The following DGKB variants were observed in gnomAD, a reference collection of about 807,000 sequenced individuals.
The protein encoded by DGKB is 90 kDa diacylglycerol kinase.
Under a neutral mutation model 114.3 loss-of-function variants are expected in DGKB, and 67 were observed. That is an observed-to-expected ratio of 0.59 (90% CI 0.48 to 0.72). DGKB has a LOEUF of 0.72. Among genes scored for constraint, DGKB ranks in the 30% least tolerant of loss-of-function variants. The pLI, the probability that DGKB is intolerant of heterozygous loss-of-function variation, is 0.00. For synonymous variants in DGKB, 398 were observed against 323.1 expected (o/e 1.23, Z -2.49); for missense variants, 907 against 975.2 (o/e 0.93, Z 0.93).
intron 23 of DGKB, among the ~76,000 whole-genome samples, chr7:14,252,510 G>A (rs1343642963): frequency 1.3e-5 from 2 of 152,146 alleles, no homozygotes; most frequent in Non-Finnish European, 1.5e-5. Context: ...TCTGGATGAG[G>A]TTCAGGGGCA....
At chr7:14,972,187 T>C (rs1261375758) in intron 1 of DGKB, among the ~76,000 whole-genome samples, 1 of 152,156 alleles carries the variant, frequency 6.6e-6, no homozygotes, top group African/African-American at 2.4e-5. Context: ...TCACCATGTA[T>C]TGCAAATAAA....
rs1798811669 is a variant in DGKB, at chr7:14,574,355, G to C, written c.1627C>G (p.Leu543Val). Reference sequence around the variant, plus strand: ...TCAATGTCTTTTAGAATTTTCATCAGATTCTCACCTTCGTAACCTAGTGGG... The same window carrying C: ...TCAATGTCTTTTAGAATTTTCATCACATTCTCACCTTCGTAACCTAGTGGG... ...RWGGGYEGEN[L>V]MKILKDIENS... The change falls in exon 20 of 26, where the codon CTG becomes GTG. Residue 543 changes from leucine to valine, a missense_variant. By Grantham distance (32) the Leu-to-Val change is conservative. This residue lies in a region of DGKB where 814 missense variants were observed against 856.6 expected (regional missense o/e 0.95). Coordinates refer to ENST00000402815, the MANE Select transcript of DGKB (RefSeq NM_001350709.2). 6.2e-7 allele frequency: 1 copy of C among 1,610,734 alleles called. No individual in the cohort carries two copies. The highest frequency in any genetic ancestry group is 8.5e-7 in the Non-Finnish European group (1 of 1,178,858).
At chr7:14,244,037 C>CAGAGAG (rs879539602) in intron 23 of DGKB, among the ~76,000 whole-genome samples, 2 of 141,608 alleles carry the variant, frequency 1.4e-5, no homozygotes, top group East Asian at 4.4e-4. Flanking sequence ...GAGAGAGAGA[C>CAGAGAG]AGAGAGAGAG....
intron 19 of DGKB, among the ~76,000 whole-genome samples, chr7:14,577,986 T>C (rs2128718240): frequency 6.6e-6 from 1 of 152,248 alleles, no homozygotes. Context: ...CACTCAAATC[T>C]CATTTTTAGT....
chr7:14,818,960 T>C (rs183001731), intron 2 of DGKB, among the ~76,000 whole-genome samples: 3 of 152,288 alleles, frequency 2.0e-5, no homozygotes, highest in South Asian at 2.1e-4. Flanking sequence ...AGAATGAATA[T>C]GATAGCAAAT....
At chr7:14,905,271 T>C (rs1783635880), upstream of DGKB, among the ~76,000 whole-genome samples, 1 of 147,810 alleles carries the variant, frequency 6.8e-6, no homozygotes, top group Admixed American at 6.9e-5. Context: ...TTTAACAGCT[T>C]ATAGCATTAC....
intron 20 of DGKB, among the ~76,000 whole-genome samples, chr7:14,572,471 A>G (rs1798546542): frequency 6.6e-6 from 1 of 151,872 alleles, no homozygotes; most frequent in Non-Finnish European, 1.5e-5. Flanking sequence ...GAAAAAAAAA[A>G]GAATAAAGTA....
intron 5 of DGKB, among the ~76,000 whole-genome samples, chr7:14,726,767 T>G (rs563864201): frequency 3.3e-5 from 5 of 152,358 alleles, no homozygotes; most frequent in African/African-American, 9.6e-5. Context: ...ATTTTTCTTA[T>G]TGCTCATCTG....
At chr7:14,540,530 C>T (rs920416122) in intron 20 of DGKB, among the ~76,000 whole-genome samples, 1 of 152,154 alleles carries the variant, frequency 6.6e-6, no homozygotes, top group African/African-American at 2.4e-5. Flanking sequence ...TAATTCCTAT[C>T]ATACTTTTCT....
intron 14 of DGKB, among the ~76,000 whole-genome samples, chr7:14,622,024 C>T (rs865822151): frequency 5.9e-5 from 9 of 152,086 alleles, no homozygotes; most frequent in Middle Eastern, 6.8e-3. Flanking sequence ...TAGGAGTTGC[C>T]TGCTCCCTGT....
rs571235476 is a variant in DGKB at position 14,478,073 on chromosome 7, A to T, written c.1835+88T>A. On this transcript the variant is annotated intron_variant, in intron 21 of 25. Coordinates refer to ENST00000402815, the MANE Select transcript of DGKB (RefSeq NM_001350709.2). ...ACACAAAGCCTCATAAAGCCAGTAG[A>T]TTATAAAATATTCTGTACCATCTAG... 1.8e-5 allele frequency: 15 copies of T among 813,728 alleles called. No individual in the cohort carries two copies. The Admixed American group carries it at 2.6e-4, about 14-fold the overall frequency. 50.4% of individuals were successfully genotyped at this position (813,728 alleles called of 1,614,324 possible).
chr7:14,757,605 C>A, intron 3 of DGKB, 50 bp downstream of exon 3: 1 of 1,036,176 alleles, frequency 9.7e-7, no homozygotes, highest in South Asian at 1.4e-5. Context: ...TAAGAAATAC[C>A]CTCTTCCAAG....
At chr7:14,835,243 G>C (rs1024679725) in intron 2 of DGKB, among the ~76,000 whole-genome samples, 8 of 152,160 alleles carry the variant, frequency 5.3e-5, no homozygotes, top group African/African-American at 1.9e-4. Context: ...TTTCAGATAA[G>C]TGTTTTAACT....
In DGKB at chr7:14,698,095, T is replaced by G. The variant is rs1279428953; in HGVS notation, c.591A>C (p.Pro197=). ...ATAGTGAAATCATTCATATACCTAC[T>G]GGATTAAGTTCAGTGACATCCCACT... ...YLEWDVTELN[P]ILHEMMEEID... is the part of the protein sequence containing the mutation. Residue 197 remains proline (P), a splice_region_variant and synonymous_variant, in exon 8 of 26, where the codon CCA becomes CCC. Coordinates refer to ENST00000402815, the MANE Select transcript of DGKB (RefSeq NM_001350709.2). 1.3e-6 allele frequency: 2 copies of G among 1,526,102 alleles called. No homozygotes were observed. Among genetic ancestry groups the G allele is most frequent in the Middle Eastern group, 1.7e-4 (1 of 5,926 alleles). 94.5% of individuals were successfully genotyped at this position (1,526,102 alleles called of 1,614,324 possible). A position where few individuals can be genotyped will look rare whatever the true frequency, so the allele number is the denominator to read the frequency against.
chr7:14,150,848 C>T (rs948423058), intron 25 of DGKB, among the ~76,000 whole-genome samples: 4 of 152,052 alleles, frequency 2.6e-5, no homozygotes, highest in African/African-American at 4.8e-5. Context: ...AATACTGCAT[C>T]ATTCATCATT....
intron 21 of DGKB, among the ~76,000 whole-genome samples, chr7:14,475,898 T>A (rs2128899591): frequency 6.6e-6 from 1 of 152,198 alleles, no homozygotes; most frequent in South Asian, 2.1e-4. Flanking sequence ...TAAAAATTAT[T>A]CTGCAGAAAG....
intron 20 of DGKB, among the ~76,000 whole-genome samples, chr7:14,545,358 G>C (rs147830242): frequency 6.6e-6 from 1 of 152,086 alleles, no homozygotes; most frequent in Admixed American, 6.6e-5. Flanking sequence ...AATCAAACAG[G>C]TAAGAATCCA....
chr7:14,530,996 T>C (rs536006594), intron 20 of DGKB, among the ~76,000 whole-genome samples: 76 of 151,674 alleles, frequency 5.0e-4, no homozygotes, highest in African/African-American at 1.7e-3. Context: ...CTTTAGACCA[T>C]TTAATATCAT....
chr7:14,393,039 A>C (rs1821636888), intron 21 of DGKB, among the ~76,000 whole-genome samples: 1 of 97,420 alleles, frequency 1.0e-5, no homozygotes, highest in African/African-American at 3.9e-5. Context: ...CCCAGGCTGG[A>C]GTGCAGTGGC....
Sources: gnomAD v4.1 joint callset for allele counts (sites outside exome capture counted in the v4.1 genomes callset) on GRCh38, gnomAD v4.1.1 for gene constraint, gnomAD v4.1.1 regional missense constraint, MANE v1.5 for transcripts, NCBI Gene and HGNC (gene_info 2026-07-23, HGNC 2026-07-21) for gene names.